The following COL6A6 variants were observed in gnomAD, a reference collection of about 807,000 sequenced individuals.
COL6A6 encodes the protein collagen alpha-6(VI) chain.
Under a neutral mutation model 208.6 loss-of-function variants are expected in COL6A6, and 183 were observed. The observed-to-expected ratio is 0.88, with a 90% confidence interval of 0.78 to 0.99. The LOEUF is 0.99. Among genes scored for constraint, COL6A6 ranks in the 50% least tolerant of loss-of-function variants. COL6A6 has a pLI of 0.00. For missense variants in COL6A6, 2,816 were observed against 2,815.2 expected (o/e 1.00, Z -0.01); for synonymous variants, 973 against 1,011.8 (o/e 0.96, Z 0.73).
At chr3:130,609,323 T>C (rs1048884136) in intron 22 of COL6A6, among the ~76,000 whole-genome samples, 1 of 152,164 alleles carries the variant, frequency 6.6e-6, no homozygotes, top group African/African-American at 2.4e-5. Context: ...CATATCTTGG[T>C]GCTCATGATG....
intron 24 of COL6A6, among the ~76,000 whole-genome samples, chr3:130,622,877 T>C (rs750826040): frequency 7.3e-5 from 11 of 151,272 alleles, no homozygotes; most frequent in Non-Finnish European, 1.5e-4. Context: ...AAATACAGAC[T>C]TTAAGCAGGA....
chr3:130,652,273 A>T (rs1197002097), intron 33 of COL6A6, among the ~76,000 whole-genome samples: 1 of 152,236 alleles, frequency 6.6e-6, no homozygotes, highest in Non-Finnish European at 1.5e-5. Flanking sequence ...GAGATGCCTA[A>T]TGCTGGGATG....
At chr3:130,558,160 G>A (rs955898043) in intron 1 of COL6A6, among the ~76,000 whole-genome samples, 3 of 152,166 alleles carry the variant, frequency 2.0e-5, no homozygotes, top group Admixed American at 6.5e-5. Flanking sequence ...GGTTATGTTT[G>A]TTTATAATGT....
chr3:130,674,165 C>T (rs1449830057), intron 36 of COL6A6, among the ~76,000 whole-genome samples: 2 of 152,160 alleles, frequency 1.3e-5, no homozygotes, highest in Non-Finnish European at 2.9e-5. Context: ...CTGTAAAATA[C>T]GATTGTCTGA....
intron 1 of COL6A6, among the ~76,000 whole-genome samples, chr3:130,520,561 T>G (rs140302937): frequency 1.5e-3 from 230 of 152,344 alleles, no homozygotes; most frequent in African/African-American, 5.1e-3. Context: ...GTATCCCTAA[T>G]GCTTCCCACA....
intron 1 of COL6A6, among the ~76,000 whole-genome samples, chr3:130,542,230 C>T (rs2062384140): frequency 6.6e-6 from 1 of 150,570 alleles, no homozygotes; most frequent in Non-Finnish European, 1.5e-5. Flanking sequence ...TTTTGATAAG[C>T]TGTGCTTCTA....
intron 23 of COL6A6, among the ~76,000 whole-genome samples, chr3:130,616,757 TG>T (rs1162300316): frequency 1.3e-5 from 2 of 152,080 alleles, no homozygotes; most frequent in East Asian, 3.9e-4. Context: ...CATAGCACAG[TG>T]GTAAATGGTA....
rs193270756 is a variant in COL6A6, at chr3:130,662,308, C to G, written c.6502C>G (p.Arg2168Gly). Residue 2168 changes from arginine (R) to glycine (G), a missense_variant and splice_region_variant, in exon 35 of 37, where the codon CGT becomes GGT. Physicochemically the swap from Arg to Gly is moderately radical, Grantham distance 125. Transcript: ENST00000358511. ...GAAGTCCTTTATAAACTCAATCAGGCGTAAGTCATAAAATCTGTTGTTCTC... is the reference window on the plus strand; with the variant it reads ...GAAGTCCTTTATAAACTCAATCAGGGGTAAGTCATAAAATCTGTTGTTCTC... ...FVKSFINSIR[R>G]AINKYPPINL... 1 of 1,607,866 alleles carries G rather than the reference C, an allele frequency of 6.2e-7. No individual in the cohort carries two copies. Among genetic ancestry groups the G allele is most frequent in the East Asian group, 2.2e-5 (1 of 44,746 alleles).
intron 13 of COL6A6, among the ~76,000 whole-genome samples, chr3:130,591,395 G>A (rs1252992755): frequency 6.6e-6 from 1 of 152,052 alleles, no homozygotes; most frequent in African/African-American, 2.4e-5. Flanking sequence ...TTCTGTAAAG[G>A]TAAACCAACT....
intron 23 of COL6A6, among the ~76,000 whole-genome samples, chr3:130,616,023 T>C (rs1016910430): frequency 5.3e-5 from 8 of 152,180 alleles, no homozygotes; most frequent in Non-Finnish European, 1.0e-4. Context: ...CTTTCTGTGC[T>C]TGGTTTTCTT....
At chr3:130,529,061 C>A (rs528103960) in intron 1 of COL6A6, among the ~76,000 whole-genome samples, 1 of 152,146 alleles carries the variant, frequency 6.6e-6, no homozygotes, top group African/African-American at 2.4e-5. Context: ...CCACTGCACT[C>A]CAGCCTGGGC....
In COL6A6 at chr3:130,565,564, T is replaced by A; in HGVS notation, c.1232T>A (p.Ile411Lys). 1 of 1,613,670 alleles carries A rather than the reference T, an allele frequency of 6.2e-7. No homozygotes were observed. Among genetic ancestry groups the A allele is most frequent in the Non-Finnish European group, 8.5e-7 (1 of 1,179,748 alleles). The change falls in exon 4 of 37, where the codon ATA becomes AAA. Residue 411 changes from isoleucine to lysine, a missense_variant. Coordinates refer to ENST00000358511, the MANE Select transcript of COL6A6 (RefSeq NM_001102608.3). ...QTFLKKLRNQ[I>K]THTVSVFSER... ...TTTCTGAAGAAGCTGCGGAACCAAA[T>A]AACACACACAGTCTCTGTCTTTTCA...
At chr3:130,555,899 GTT>G (rs2062758442) in intron 1 of COL6A6, among the ~76,000 whole-genome samples, 1 of 152,094 alleles carries the variant, frequency 6.6e-6, no homozygotes, top group African/African-American at 2.4e-5. Flanking sequence ...TTTGTTATAA[GTT>G]TAAGGGATAC....
intron 1 of COL6A6, among the ~76,000 whole-genome samples, chr3:130,523,992 C>T (rs1025145679): frequency 2.0e-5 from 3 of 152,130 alleles, no homozygotes; most frequent in Non-Finnish European, 4.4e-5. Flanking sequence ...CCCGCTCCTC[C>T]GTGGTTTTTT....
In COL6A6 at chr3:130,586,471, A is replaced by T. The variant is rs181177836; in HGVS notation, c.3971-35A>T. 5.7e-6 allele frequency: 9 copies of T among 1,571,122 alleles called. No homozygotes were observed. In the Admixed American group the frequency reaches 1.2e-4, roughly 20 times the overall value. On this transcript the variant is annotated intron_variant, in intron 10 of 36. Coordinates refer to ENST00000358511, the MANE Select transcript of COL6A6 (RefSeq NM_001102608.3). ...GCAAAAAACTAAAGTAACCAAACCC[A>T]CCTCACCTGGAACATTGTAAACTGT... is the stretch of plus-strand genomic sequence containing the variant.
intron 36 of COL6A6, among the ~76,000 whole-genome samples, chr3:130,667,473 A>C (rs1349583183): frequency 6.6e-6 from 1 of 152,168 alleles, no homozygotes; most frequent in Admixed American, 6.5e-5. Flanking sequence ...TCCTGGCCTC[A>C]GGTGATCCAC....
chr3:130,581,949 C>G, intron 9 of COL6A6, 41 bp from the exon 10 acceptor site: 1 of 1,583,448 alleles, frequency 6.3e-7, no homozygotes, highest in Non-Finnish European at 8.6e-7. Flanking sequence ...TTGCAATGAA[C>G]CCTTTTTAAT....
Position 130,622,210 on chromosome 3 carries a change from CCT to C in COL6A6, c.4878+328_4878+329del, listed in dbSNP as rs1491140884. On this transcript the variant is annotated intron_variant, in intron 24 of 36. Coordinates refer to ENST00000358511, the MANE Select transcript of COL6A6 (RefSeq NM_001102608.3). ...AATTTCCTCCCCCCGCCTACCCCCC[CCT>C]TTTTTTTTTTCCTTTCCTCCATTCA... Among the ~76,000 whole-genome samples, 22 of 142,484 alleles carry C rather than the reference CCT, an allele frequency of 1.5e-4. 1 individual carries two copies. In the South Asian group the frequency reaches 4.4e-3, roughly 28 times the overall value. 93.5% of individuals were successfully genotyped at this position (142,484 alleles called of 152,430 possible).
Position 130,552,804 on chromosome 3 carries a change from G to A in COL6A6, c.-31-7530G>A, listed in dbSNP as rs140767097. Among the ~76,000 whole-genome samples, 753 of 89,366 alleles carry A rather than the reference G, an allele frequency of 8.4e-3. 7 individuals carry two copies. Among genetic ancestry groups the A allele is most frequent in the African/African-American group, 0.033 (711 of 21,698 alleles). The allele number at this position is 89,366 out of a possible 152,430, so 58.6% of individuals were successfully genotyped here. On this transcript the variant is annotated intron_variant, in intron 1 of 36. Transcript: ENST00000358511. Reference sequence around the variant, plus strand: ...CAGTAATGGTCTTTCCTTTCTATATGTAGCAGTCTTTTAAGGACCGTCTCT... The same window carrying A: ...CAGTAATGGTCTTTCCTTTCTATATATAGCAGTCTTTTAAGGACCGTCTCT...
Sources: allele counts gnomAD v4.1 joint callset (sites outside exome capture counted in the v4.1 genomes callset), GRCh38; gene constraint gnomAD v4.1.1; transcripts MANE v1.5; gene names NCBI Gene and HGNC (gene_info 2026-07-23, HGNC 2026-07-21).